WDR82: variants seen among roughly 807,000 people sequenced by gnomAD.
WDR82 encodes WD repeat-containing protein 82.
WDR82 carries 8 observed loss-of-function variants against 36.1 expected under a neutral mutation model. That is an observed-to-expected ratio of 0.22 (90% CI 0.13 to 0.40). The LOEUF is 0.40. WDR82 is among the 10% of genes least tolerant of loss of function. The pLI, the probability that WDR82 is intolerant of heterozygous loss-of-function variation, is 1.00. For synonymous variants in WDR82, 129 were observed against 137.8 expected (o/e 0.94, Z 0.45); for missense variants, 185 against 400.5 (o/e 0.46, Z 4.59).
At chr3:52,267,293 C>T (rs1014128494) in intron 2 of WDR82, 5 of 305,480 alleles carry the variant, frequency 1.6e-5, no homozygotes, top group Non-Finnish European at 2.5e-5. Context: ...AATTACAATG[C>T]AACTCCCACC....
chr3:52,265,980 G>GA (rs546367420), intron 3 of WDR82, among the ~76,000 whole-genome samples: 104 of 152,096 alleles, frequency 6.8e-4, no homozygotes, highest in African/African-American at 2.4e-3. Flanking sequence ...ATGGATGCAG[G>GA]AAAAAATACC....
At chr3:52,271,550 CTT>C (rs1490666359) in intron 1 of WDR82, among the ~76,000 whole-genome samples, 3 of 151,670 alleles carry the variant, frequency 2.0e-5, no homozygotes, top group African/African-American at 7.3e-5. Flanking sequence ...AGAGGCCAAA[CTT>C]TTCTTCTCAA....
intron 3 of WDR82, among the ~76,000 whole-genome samples, chr3:52,262,640 A>G (rs935480933): frequency 2.6e-5 from 4 of 152,168 alleles, no homozygotes; most frequent in Non-Finnish European, 5.9e-5. Context: ...CACCTAGAGA[A>G]CCACAAGCCT....
chr3:52,262,028 A>G (rs138092378), intron 3 of WDR82, among the ~76,000 whole-genome samples: 3 of 152,362 alleles, frequency 2.0e-5, no homozygotes, highest in Middle Eastern at 3.4e-3. Flanking sequence ...TAATGGATGG[A>G]CAAACAAAAT....
chr3:52,270,524 A>C (rs955818914), intron 2 of WDR82, among the ~76,000 whole-genome samples, 188 bp downstream of exon 2: 1 of 152,246 alleles, frequency 6.6e-6, no homozygotes. Context: ...ACTCAGTCCC[A>C]AGTCCTTCAA....
chr3:52,271,589 G>GT (rs11293312), intron 1 of WDR82, among the ~76,000 whole-genome samples: 6,832 of 148,024 alleles, frequency 0.046, 212 homozygotes, highest in African/African-American at 0.079. Flanking sequence ...GAAGCTCTGT[G>GT]TTTTTTTTTT....
At chr3:52,276,801 A>G (rs187194054) in intron 1 of WDR82, among the ~76,000 whole-genome samples, 47 of 152,208 alleles carry the variant, frequency 3.1e-4, no homozygotes, top group Non-Finnish European at 5.3e-4. Flanking sequence ...TCCAGCTAAC[A>G]ATTCCCTCTT....
intron 2 of WDR82, chr3:52,267,400 A>C (rs1700115396): frequency 4.9e-6 from 1 of 203,184 alleles, no homozygotes; most frequent in African/African-American, 2.4e-5. Context: ...AACCTTAAAG[A>C]AAAATATGTG....
At chr3:52,277,111 T>C (rs1700211478) in intron 1 of WDR82, among the ~76,000 whole-genome samples, 1 of 146,096 alleles carries the variant, frequency 6.8e-6, no homozygotes, top group Admixed American at 6.8e-5. Flanking sequence ...TATCTGTTAC[T>C]AGGTGACAAA....
At position 52,267,222 on chromosome 3, in the gene WDR82, A is replaced by G. The variant is rs189185678; in HGVS notation, c.260-204T>C. On this transcript the variant is annotated intron_variant, in intron 2 of 8. Transcript: ENST00000296490. ...ACCTAACTCAAAAGCAGAGTTCTTA[A>G]GTTGACAGCATAGAAAGCAATGTTT... The G allele has an allele frequency of 1.3e-5, 5 of 399,822 alleles. No homozygotes were observed. The Admixed American group carries it at 2.3e-4, about 18-fold the overall frequency. The allele number at this position is 399,822 out of a possible 1,614,324, so 24.8% of individuals were successfully genotyped here.
At position 52,259,794 on chromosome 3, in the gene WDR82, G is replaced by A; in HGVS notation, c.622C>T (p.Leu208Phe). Residue 208 changes from leucine to phenylalanine, a missense_variant, in exon 6 of 9, where the codon CTC (leucine) becomes TTC (phenylalanine). This residue lies in a region of WDR82 where 110 missense variants were observed against 212.6 expected (regional missense o/e 0.52). Transcript: ENST00000296490. ...TGLKFSNDGK[L>F]ILISTNGSFI... ...CTGCCGTTGGTGGAAATGAGGATGA[G>A]CTTGCCATCATTGCTGAATTTAAGT... The A allele has an allele frequency of 1.2e-6, 2 of 1,614,110 alleles. No homozygotes were observed. The highest frequency in any genetic ancestry group is 1.7e-6 in the Non-Finnish European group (2 of 1,180,002).
intron 2 of WDR82, among the ~76,000 whole-genome samples, chr3:52,270,131 C>CT (rs974224745): frequency 6.6e-6 from 1 of 152,034 alleles, no homozygotes; most frequent in Non-Finnish European, 1.5e-5. Flanking sequence ...TAAAAGTGTT[C>CT]TTTTTGGAGA....
Position 52,278,165 on chromosome 3 carries a change from ACT to A in WDR82, c.161+34_161+35del, listed in dbSNP as rs767760956. ...CTGTGCTGGGCCACCGGAGGGAGGC[ACT>A]GAGACTCGGGCCCAGGGCCTCCGCC... On this transcript the variant is annotated intron_variant, in intron 1 of 8. Coordinates refer to ENST00000296490, the MANE Select transcript of WDR82 (RefSeq NM_025222.4). The A allele has an allele frequency of 3.9e-6, 6 of 1,534,876 alleles. No homozygotes were observed. The East Asian group carries it at 1.6e-4, about 40-fold the overall frequency.
chr3:52,264,773 G>A (rs887155525), intron 3 of WDR82, among the ~76,000 whole-genome samples: 5 of 152,056 alleles, frequency 3.3e-5, no homozygotes, highest in African/African-American at 1.2e-4. Flanking sequence ...GAATTTAGGT[G>A]GAAGGGATAG....
chr3:52,275,921 T>G (rs1700199195), intron 1 of WDR82, among the ~76,000 whole-genome samples: 1 of 152,020 alleles, frequency 6.6e-6, no homozygotes, highest in Non-Finnish European at 1.5e-5. Flanking sequence ...TGTTTAGGGA[T>G]AAAGGGGCTT....
At chr3:52,278,143 T>G in intron 1 of WDR82, 58 bp downstream of exon 1, 1 of 1,494,748 alleles carries the variant, frequency 6.7e-7, no homozygotes, top group Non-Finnish European at 9.0e-7. Context: ...GAGGGACCTG[T>G]GCTGGGCCAC....
chr3:52,272,071 C>CA (rs1317941799), intron 1 of WDR82, among the ~76,000 whole-genome samples: 1 of 152,176 alleles, frequency 6.6e-6, no homozygotes, highest in Non-Finnish European at 1.5e-5. Context: ...GCCTCTGCGA[C>CA]AGAGTGAGAC....
chr3:52,264,776 AG>A (rs1700090804), intron 3 of WDR82, among the ~76,000 whole-genome samples: 1 of 152,064 alleles, frequency 6.6e-6, no homozygotes, highest in South Asian at 2.1e-4. Flanking sequence ...TTTAGGTGGA[AG>A]GGATAGATGT....
chr3:52,260,671 C>T (rs1215745500), intron 4 of WDR82, among the ~76,000 whole-genome samples, 170 bp from the exon 5 acceptor site: 1 of 152,128 alleles, frequency 6.6e-6, no homozygotes, highest in Non-Finnish European at 1.5e-5. Context: ...CAAATATCAG[C>T]CTACCTACAG....
Sources: gnomAD v4.1 joint callset for allele counts (sites outside exome capture counted in the v4.1 genomes callset) on GRCh38, gnomAD v4.1.1 for gene constraint, gnomAD v4.1.1 regional missense constraint, MANE v1.5 for transcripts, NCBI Gene and HGNC (gene_info 2026-07-23, HGNC 2026-07-21) for gene names.